Variants in EPB41 observed in about 807,000 individuals in gnomAD.
The protein encoded by EPB41 is erythrocyte membrane protein band 4.1.
EPB41 carries 65 observed loss-of-function variants against 108.0 expected under a neutral mutation model. The observed-to-expected ratio is 0.60, with a 90% CI of 0.49 to 0.74. The LOEUF (loss-of-function observed/expected upper bound fraction) is 0.74, where lower values mean the gene tolerates loss of function less well. Ranked by LOEUF, EPB41 falls within the 30% of genes least tolerant of loss-of-function variation. The pLI is 0.00. For missense variants in EPB41, 875 were observed against 1,037.0 expected, an observed-to-expected ratio of 0.84 and a Z score of 2.15; for synonymous variants, 336 against 358.9, an observed-to-expected ratio of 0.94 and a Z score of 0.72.
At chr1:28,944,577 C>T (rs549654231) in intron 1 of EPB41, among the ~76,000 whole-genome samples, 30 of 137,124 alleles carry the variant, frequency 2.2e-4, no homozygotes, top group African/African-American at 7.4e-4. Flanking sequence ...TGCTCTGTCA[C>T]CCAGGCTGGA....
chr1:28,917,837 G>A (rs1164561834), intron 1 of EPB41, among the ~76,000 whole-genome samples: 2 of 150,698 alleles, frequency 1.3e-5, no homozygotes, highest in Non-Finnish European at 1.5e-5. Context: ...TCAAATGATC[G>A]TCTCACCTCT....
chr1:29,027,845 A>G (rs1558071092), intron 7 of EPB41, among the ~76,000 whole-genome samples: 1 of 152,118 alleles, frequency 6.6e-6, no homozygotes, highest in Admixed American at 6.5e-5. Flanking sequence ...TATTTGTGAG[A>G]CGGAGTTTCG....
At chr1:28,971,981 G>T (rs6679909) in intron 1 of EPB41, among the ~76,000 whole-genome samples, 1 of 151,702 alleles carries the variant, frequency 6.6e-6, no homozygotes, top group African/African-American at 2.4e-5. Flanking sequence ...CTACAGTCTC[G>T]ACCTCCGCGC....
At chr1:28,917,726 G>A (rs763406256) in intron 1 of EPB41, among the ~76,000 whole-genome samples, 2 of 151,644 alleles carry the variant, frequency 1.3e-5, no homozygotes, top group Non-Finnish European at 2.9e-5. Context: ...GACTACAGAC[G>A]TGCACCACCA....
At chr1:28,958,376 A>C (rs1217268386) in intron 1 of EPB41, among the ~76,000 whole-genome samples, 1 of 151,966 alleles carries the variant, frequency 6.6e-6, no homozygotes, top group African/African-American at 2.4e-5. Context: ...TGAGCCTGGG[A>C]GATTGAAGTG....
intron 7 of EPB41, among the ~76,000 whole-genome samples, chr1:29,022,566 C>CGAAA (rs564430819): frequency 6.6e-6 from 1 of 151,298 alleles, no homozygotes; most frequent in African/African-American, 2.4e-5. Context: ...ACTAAAAATA[C>CGAAA]AAAAATTAGC....
At chr1:28,985,158 T>G (rs778983428) in intron 1 of EPB41, among the ~76,000 whole-genome samples, 1 of 151,834 alleles carries the variant, frequency 6.6e-6, no homozygotes, top group Non-Finnish European at 1.5e-5. Context: ...GAGACGGGGC[T>G]TCACCATGCT....
chr1:28,948,477 C>T (rs1366604757), intron 1 of EPB41, among the ~76,000 whole-genome samples: 1 of 144,054 alleles, frequency 6.9e-6, no homozygotes, highest in East Asian at 2.1e-4. Flanking sequence ...CCAGTGCACT[C>T]CAGCCTGGGC....
At chr1:29,114,371 G>A (rs1364898764) in intron 19 of EPB41, among the ~76,000 whole-genome samples, 4 of 152,282 alleles carry the variant, frequency 2.6e-5, no homozygotes, top group South Asian at 4.1e-4. Flanking sequence ...GGCTGGGTGC[G>A]TTGGCTCACG....
intron 17 of EPB41, among the ~76,000 whole-genome samples, chr1:29,108,804 G>A (rs943737790): frequency 6.9e-6 from 1 of 144,642 alleles, no homozygotes; most frequent in East Asian, 2.2e-4. Context: ...TGATCCACCC[G>A]CCTACACCTC....
intron 1 of EPB41, chr1:28,902,089 A>G (rs1456436826): frequency 1.2e-6 from 1 of 823,334 alleles, no homozygotes; most frequent in Non-Finnish European, 1.5e-6. Context: ...GTGTAAACTG[A>G]TGACTATATG....
chr1:28,906,434 C>T (rs2147960976), intron 1 of EPB41, among the ~76,000 whole-genome samples: 1 of 152,242 alleles, frequency 6.6e-6, no homozygotes, highest in South Asian at 2.1e-4. Context: ...GGTTCCCTCC[C>T]CTAGTAAGAG....
chr1:28,917,836 C>A (rs192807482), intron 1 of EPB41, among the ~76,000 whole-genome samples: 3 of 151,846 alleles, frequency 2.0e-5, no homozygotes, highest in Admixed American at 6.6e-5. Flanking sequence ...CTCAAATGAT[C>A]GTCTCACCTC....
intron 11 of EPB41, among the ~76,000 whole-genome samples, chr1:29,042,410 G>A (rs1641848869): frequency 6.6e-6 from 1 of 152,122 alleles, no homozygotes; most frequent in Non-Finnish European, 1.5e-5. Context: ...TTGGAAAAAA[G>A]ATCACCTAAG....
intron 11 of EPB41, among the ~76,000 whole-genome samples, chr1:29,047,945 G>A (rs1228818901): frequency 6.6e-6 from 1 of 151,608 alleles, no homozygotes; most frequent in Non-Finnish European, 1.5e-5. Flanking sequence ...CACCATGCCC[G>A]GCTAATTTTT....
chr1:29,018,879 A>G lies in EPB41; in HGVS notation c.1124+437A>G, dbSNP rs557877946. Among the ~76,000 whole-genome samples the G allele has an allele frequency of 6.6e-6, 1 of 152,284 alleles. No individual in the cohort carries two copies. Among genetic ancestry groups the G allele is most frequent in the Non-Finnish European group, 1.5e-5 (1 of 68,026 alleles). The stretch of plus-strand genomic sequence containing the variant: ...GTGAAACTCTTGGAAGTATTTTTAA[A>G]AGTCTTTATTAAATTTACTGACTAT... On this transcript the variant is annotated intron_variant, in intron 7 of 20. Transcript: ENST00000343067. The surrounding 1 kb of genome is among the most constrained non-coding windows in gnomAD (Gnocchi z 4.4).
chr1:28,964,015 TTCAGGCTC>T (rs2095294484), intron 1 of EPB41, among the ~76,000 whole-genome samples: 3 of 152,234 alleles, frequency 2.0e-5, no homozygotes, highest in South Asian at 4.1e-4. Context: ...CAAACCTTGA[TTCAGGCTC>T]TCATGATCTT....
intron 1 of EPB41, among the ~76,000 whole-genome samples, chr1:28,892,797 CTTTTT>C (rs995428093): frequency 1.0e-4 from 9 of 87,234 alleles, no homozygotes; most frequent in African/African-American, 4.2e-4. Context: ...TTCCCAGGTT[CTTTTT>C]TTTTTTTTTT....
At chr1:28,934,902 C>T (rs1335597257) in intron 1 of EPB41, among the ~76,000 whole-genome samples, 1 of 151,732 alleles carries the variant, frequency 6.6e-6, no homozygotes, top group Non-Finnish European at 1.5e-5. Flanking sequence ...AAGGCTGAGG[C>T]AGAAGGATTG....
Sources: allele counts gnomAD v4.1 joint callset (sites outside exome capture counted in the v4.1 genomes callset), GRCh38; gene constraint gnomAD v4.1.1; non-coding constraint Gnocchi (gnomAD v3.1); transcripts MANE v1.5; gene names NCBI Gene and HGNC (gene_info 2026-07-23, HGNC 2026-07-21).